RALGPS1: variants seen among roughly 807,000 people sequenced by gnomAD.
RALGPS1 encodes ras-specific guanine nucleotide-releasing factor RalGPS1.
A neutral mutation model predicts 78.8 loss-of-function variants in RALGPS1; 19 were observed. The ratio of observed to expected loss-of-function variants is 0.24; its 90% confidence interval spans 0.17 to 0.35. The LOEUF (loss-of-function observed/expected upper bound fraction) is 0.35, where lower values mean the gene tolerates loss of function less well. Among genes scored for constraint, RALGPS1 ranks in the 10% least tolerant of loss-of-function variants. RALGPS1 has a pLI of 1.00. For missense variants in RALGPS1, 454 were observed against 688.3 expected (o/e 0.66, Z 3.81); for synonymous variants, 228 against 256.3 (o/e 0.89, Z 1.06).
In RALGPS1 at chr9:127,174,716, C is replaced by G; in HGVS notation, c.844C>G (p.Leu282Val). ...TCTTATGAAAATCTTTGTTTTCAGA[C>G]TGTCGCTCAGAATCGAACCAGGAAG... is the stretch of plus-strand genomic sequence containing the variant. ...QKFVEDDNYK[L>V]SLRIEPGSSS... Residue 282 changes from leucine (L) to valine (V), a missense_variant and splice_region_variant, in exon 11 of 19, where the codon CTG becomes GTG. Coordinates refer to ENST00000259351, the MANE Select transcript of RALGPS1 (RefSeq NM_014636.3). 1 of 1,614,050 alleles carries G rather than the reference C, an allele frequency of 6.2e-7. No homozygotes were observed. The highest frequency in any genetic ancestry group is 8.5e-7 in the Non-Finnish European group (1 of 1,179,926).
chr9:127,107,767 G>T, intron 8 of RALGPS1: 2 of 750,536 alleles, frequency 2.7e-6, no homozygotes, highest in Non-Finnish European at 4.0e-6. Context: ...GGCTCCAGCA[G>T]CTCAGCCCAA....
At chr9:126,930,455 T>G (rs2035690275) in intron 1 of RALGPS1, among the ~76,000 whole-genome samples, 2 of 152,194 alleles carry the variant, frequency 1.3e-5, no homozygotes. Flanking sequence ...TATTTTTAAT[T>G]TTTTTGAAAC....
rs187177629 is a variant in RALGPS1 at position 126,916,940 on chromosome 9, C to T, written c.-66+1965C>T. On this transcript the variant is annotated intron_variant, in intron 1 of 18. Transcript: ENST00000259351. ...ACCCATATATGTGACCTTTCAAAGC[C>T]CAGTGCCTCTGCTCACTGGTAGTTG... Among the ~76,000 whole-genome samples, 62 of 152,292 alleles carry T rather than the reference C, an allele frequency of 4.1e-4. 1 individual carries two copies. The highest frequency in any genetic ancestry group is 2.9e-3 in the Admixed American group (45 of 15,296).
intron 14 of RALGPS1, among the ~76,000 whole-genome samples, chr9:127,209,882 C>T (rs143199856): frequency 2.2e-3 from 337 of 152,300 alleles, no homozygotes; most frequent in Middle Eastern, 0.017. Context: ...CCTCATCTGA[C>T]TTTATTAAGT....
At chr9:126,966,909 T>C (rs2039561839) in intron 3 of RALGPS1, among the ~76,000 whole-genome samples, 1 of 152,172 alleles carries the variant, frequency 6.6e-6, no homozygotes, top group Non-Finnish European at 1.5e-5. Context: ...TTTTGAACTT[T>C]GACAGTAGAG....
At chr9:127,071,815 C>T (rs2050227386) in intron 8 of RALGPS1, among the ~76,000 whole-genome samples, 1 of 152,006 alleles carries the variant, frequency 6.6e-6, no homozygotes, top group Non-Finnish European at 1.5e-5. Context: ...AAACAGTTTA[C>T]TGAAATATAA....
At chr9:126,915,174 G>T (rs1241299136) in intron 1 of RALGPS1, among the ~76,000 whole-genome samples, 199 bp downstream of exon 1, 1 of 144,362 alleles carries the variant, frequency 6.9e-6, no homozygotes, top group Non-Finnish European at 1.5e-5. Context: ...GGTGCCCGGC[G>T]CCGGGGCCTG....
At chr9:126,991,172 G>A (rs1340810614) in intron 4 of RALGPS1, among the ~76,000 whole-genome samples, 1 of 152,180 alleles carries the variant, frequency 6.6e-6, no homozygotes, top group Non-Finnish European at 1.5e-5. Context: ...TGTTTTAACA[G>A]TTTCTTGTCA....
At chr9:127,109,426 A>G (rs2054581226) in intron 8 of RALGPS1, among the ~76,000 whole-genome samples, 1 of 152,358 alleles carries the variant, frequency 6.6e-6, no homozygotes, top group East Asian at 1.9e-4. Context: ...TTAGTGGACA[A>G]TATCAGTGGA....
At chr9:127,086,511 CAT>C (rs1283136223) in intron 8 of RALGPS1, among the ~76,000 whole-genome samples, 1 of 152,208 alleles carries the variant, frequency 6.6e-6, no homozygotes, top group Non-Finnish European at 1.5e-5. Flanking sequence ...TGAGTCTTCT[CAT>C]GTGTACATGT....
At chr9:127,045,887 G>T (rs925341457) in intron 5 of RALGPS1, among the ~76,000 whole-genome samples, 21 of 151,712 alleles carry the variant, frequency 1.4e-4, no homozygotes, top group African/African-American at 4.6e-4. Context: ...TGCTAATCTT[G>T]GTTTCTAATA....
At chr9:127,003,187 G>T in intron 4 of RALGPS1, among the ~76,000 whole-genome samples, 1 of 152,150 alleles carries the variant, frequency 6.6e-6, no homozygotes, top group East Asian at 1.9e-4. Flanking sequence ...GGCAACAAAA[G>T]CCAAAATTGA....
chr9:126,932,991 C>G (rs2131194263), intron 1 of RALGPS1, among the ~76,000 whole-genome samples: 1 of 152,042 alleles, frequency 6.6e-6, no homozygotes, highest in East Asian at 1.9e-4. Context: ...GGGTTGCTTT[C>G]CTTGTTGTAG....
chr9:127,185,967 AAGGTC>A (rs2060618279), intron 11 of RALGPS1, among the ~76,000 whole-genome samples: 4 of 152,162 alleles, frequency 2.6e-5, no homozygotes, highest in African/African-American at 9.7e-5. Context: ...TGACCTACTC[AAGGTC>A]ACTCATCCTG....
chr9:126,920,645 T>C (rs575956199), intron 1 of RALGPS1, among the ~76,000 whole-genome samples: 57 of 152,164 alleles, frequency 3.7e-4, no homozygotes, highest in Non-Finnish European at 7.5e-4. Flanking sequence ...TGGGCCTCCT[T>C]TCGTGGCAGA....
chr9:126,952,527 G>A (rs2037919522), intron 1 of RALGPS1, among the ~76,000 whole-genome samples: 1 of 152,134 alleles, frequency 6.6e-6, no homozygotes, highest in Non-Finnish European at 1.5e-5. Flanking sequence ...ACACAAGGGG[G>A]CCTTTCTTGA....
chr9:127,019,033 A>G (rs1480172786), intron 4 of RALGPS1, among the ~76,000 whole-genome samples: 1 of 152,138 alleles, frequency 6.6e-6, no homozygotes, highest in Non-Finnish European at 1.5e-5. Context: ...TTTTTAAAAC[A>G]TGGTATTTGA....
At chr9:127,004,190 G>T in intron 4 of RALGPS1, among the ~76,000 whole-genome samples, 1 of 151,812 alleles carries the variant, frequency 6.6e-6, no homozygotes, top group Non-Finnish European at 1.5e-5. Flanking sequence ...TTGTTGCCCA[G>T]GCTAAAGCGC....
intron 4 of RALGPS1, among the ~76,000 whole-genome samples, chr9:126,979,140 G>C (rs1282557374): frequency 6.6e-6 from 1 of 152,176 alleles, no homozygotes; most frequent in Non-Finnish European, 1.5e-5. Flanking sequence ...CCTTCCGAGA[G>C]CTGGCACCTA....
Sources: allele counts gnomAD v4.1 joint callset (sites outside exome capture counted in the v4.1 genomes callset), GRCh38; gene constraint gnomAD v4.1.1; transcripts MANE v1.5; gene names NCBI Gene and HGNC (gene_info 2026-07-23, HGNC 2026-07-21).